PPP2R5E: variants seen among roughly 807,000 people sequenced by gnomAD.
The protein encoded by PPP2R5E is serine/threonine-protein phosphatase 2A 56 kDa regulatory subunit epsilon isoform.
A neutral mutation model predicts 65.3 loss-of-function variants in PPP2R5E; 4 were observed. That is an observed-to-expected ratio of 0.06 (90% confidence interval 0.03 to 0.14). The LOEUF (loss-of-function observed/expected upper bound fraction) is 0.14. PPP2R5E is among the 10% of genes least tolerant of loss of function. PPP2R5E has a pLI of 1.00. For synonymous variants in PPP2R5E, 183 were observed against 187.4 expected (o/e 0.98, Z 0.19); for missense variants, 274 against 556.1 (o/e 0.49, Z 5.10).
chr14:63,484,384 CACAA>C (rs937642287), intron 2 of PPP2R5E, among the ~76,000 whole-genome samples: 5 of 150,130 alleles, frequency 3.3e-5, no homozygotes, highest in African/African-American at 7.3e-5. Flanking sequence ...CACACACACA[CACAA>C]AGAATCGTAT....
intron 2 of PPP2R5E, among the ~76,000 whole-genome samples, chr14:63,474,564 T>G (rs12885611): frequency 6.7e-6 from 1 of 149,140 alleles, no homozygotes; most frequent in African/African-American, 2.5e-5. Flanking sequence ...TCCCAGCTAC[T>G]CGGGAGGCTG....
intron 13 of PPP2R5E, among the ~76,000 whole-genome samples, chr14:63,379,613 G>C (rs1884196990): frequency 1.3e-5 from 2 of 152,030 alleles, no homozygotes; most frequent in Non-Finnish European, 2.9e-5. Context: ...ATAAATAACT[G>C]TAATATGCCA....
At chr14:63,391,499 T>G (rs1324881800) in intron 10 of PPP2R5E, among the ~76,000 whole-genome samples, 1 of 152,200 alleles carries the variant, frequency 6.6e-6, no homozygotes, top group Non-Finnish European at 1.5e-5. Context: ...CTCGGCTCAC[T>G]GCAAACTTCT....
chr14:63,523,140 T>A (rs1893029611), intron 2 of PPP2R5E, among the ~76,000 whole-genome samples: 2 of 148,350 alleles, frequency 1.3e-5, no homozygotes, highest in Admixed American at 1.3e-4. Context: ...GGGGGGCGCC[T>A]CTGCCCGGCC....
chr14:63,462,258 G>A (rs1889524459), intron 2 of PPP2R5E, among the ~76,000 whole-genome samples: 1 of 152,020 alleles, frequency 6.6e-6, no homozygotes, highest in South Asian at 2.1e-4. Context: ...TTTTAGTAGA[G>A]ATGGAGTTTC....
chr14:63,391,420 GT>G (rs1471358928), intron 10 of PPP2R5E, among the ~76,000 whole-genome samples: 8 of 151,896 alleles, frequency 5.3e-5, no homozygotes. Flanking sequence ...GTTTTGTTTT[GT>G]TTTGTTTTGT....
chr14:63,476,049 G>T (rs1481997863), intron 2 of PPP2R5E, among the ~76,000 whole-genome samples: 1 of 152,098 alleles, frequency 6.6e-6, no homozygotes, highest in Non-Finnish European at 1.5e-5. Flanking sequence ...AGAGGATTAT[G>T]ATACTTAAAT....
chr14:63,461,728 C>T (rs1889475624), intron 2 of PPP2R5E, among the ~76,000 whole-genome samples: 1 of 151,864 alleles, frequency 6.6e-6, no homozygotes, highest in African/African-American at 2.4e-5. Flanking sequence ...CACTTCAGCC[C>T]AGGCTGCAGT....
intron 2 of PPP2R5E, among the ~76,000 whole-genome samples, chr14:63,516,737 G>C (rs1892685487): frequency 6.6e-6 from 1 of 152,116 alleles, no homozygotes; most frequent in South Asian, 2.1e-4. Flanking sequence ...ACACACACCA[G>C]CTGGGAAGAC....
At position 63,440,948 on chromosome 14, in the gene PPP2R5E, C is replaced by CAAAA. The variant is rs374563795; in HGVS notation, c.354+12737_354+12740dup. Among the ~76,000 whole-genome samples, 317 of 67,622 alleles carry CAAAA rather than the reference C, an allele frequency of 4.7e-3. 16 individuals are homozygous for CAAAA. Among genetic ancestry groups the CAAAA allele is most frequent in the Middle Eastern group, 0.018 (2 of 112 alleles). 44.4% of individuals were successfully genotyped at this position (67,622 alleles called of 152,430 possible). A position where few individuals can be genotyped will look rare whatever the true frequency, so the allele number is the denominator to read the frequency against. On this transcript the variant is annotated intron_variant, in intron 3 of 13. Transcript: ENST00000337537. ...TGGGCAACAGAGCGAGACTCCATCT[C>CAAAA]AAAAAAAAAAAAAAAAAAAGAGTAT...
chr14:63,400,631 G>T (rs1885695441), intron 5 of PPP2R5E, among the ~76,000 whole-genome samples: 1 of 131,680 alleles, frequency 7.6e-6, no homozygotes, highest in South Asian at 2.5e-4. Context: ...GGAGGTAATG[G>T]GCAAGTTAAT....
chr14:63,376,809 A>G (rs1884009353), intron 13 of PPP2R5E, among the ~76,000 whole-genome samples: 1 of 152,236 alleles, frequency 6.6e-6, no homozygotes, highest in African/African-American at 2.4e-5. Context: ...ATATAAATTC[A>G]CATTTACTAA....
chr14:63,484,125 G>C (rs569876037), intron 2 of PPP2R5E, among the ~76,000 whole-genome samples: 3 of 151,668 alleles, frequency 2.0e-5, no homozygotes, highest in Non-Finnish European at 4.4e-5. Context: ...AAAGATAAAG[G>C]GCCCAAAGCA....
chr14:63,497,488 C>T (rs1346757066), intron 2 of PPP2R5E, among the ~76,000 whole-genome samples: 2 of 151,982 alleles, frequency 1.3e-5, no homozygotes, highest in East Asian at 1.9e-4. Flanking sequence ...TGCAGTGGCT[C>T]CCCCCTGTAA....
Position 63,399,473 on chromosome 14 carries a change from G to A in PPP2R5E, c.550-2757C>T, listed in dbSNP as rs1338368390. Among the ~76,000 whole-genome samples the A allele has an allele frequency of 4.3e-5, 6 of 140,700 alleles. No individual in the cohort carries two copies. The South Asian group carries it at 6.9e-4, about 16-fold the overall frequency. The allele number at this position is 140,700 out of a possible 152,430, so 92.3% of individuals were successfully genotyped here. ...CGGCTTACTGAAACCTCCGCCTTCC[G>A]GGTTCAAGCGATTCTCCTGCTTCAG... On this transcript the variant is annotated intron_variant, in intron 5 of 13. Coordinates refer to ENST00000337537, the MANE Select transcript of PPP2R5E (RefSeq NM_006246.5).
At chr14:63,439,560 G>C (rs911555642) in intron 3 of PPP2R5E, among the ~76,000 whole-genome samples, 1 of 152,132 alleles carries the variant, frequency 6.6e-6, no homozygotes, top group Non-Finnish European at 1.5e-5. Context: ...TTTTAGTAGA[G>C]ACGGGGTTTC....
rs143091788 is a variant in PPP2R5E, at chr14:63,396,082, A to G, written c.680+504T>C. Among the ~76,000 whole-genome samples the G allele has an allele frequency of 4.9e-3, 46 of 9,470 alleles. 2 individuals carry two copies. The highest frequency in any genetic ancestry group is 0.025 in the African/African-American group (44 of 1,764). The allele number at this position is 9,470 out of a possible 152,430, so 6.2% of individuals were successfully genotyped here. A position where few individuals can be genotyped will look rare whatever the true frequency, so the allele number is the denominator to read the frequency against. ...GGGAAGAGAGGAGGAGAGGGAGGAA[A>G]AGAGGAGAAGGGGGAGGGGGCAGGA... is the stretch of plus-strand genomic sequence containing the variant. On this transcript the variant is annotated intron_variant, in intron 6 of 13. Coordinates refer to ENST00000337537, the MANE Select transcript of PPP2R5E (RefSeq NM_006246.5).
At chr14:63,401,775 G>A (rs955827458) in intron 5 of PPP2R5E, among the ~76,000 whole-genome samples, 2 of 152,122 alleles carry the variant, frequency 1.3e-5, no homozygotes, top group African/African-American at 4.8e-5. Context: ...ATGACAAGAG[G>A]TAACTATCTT....
chr14:63,543,350 A>C lies in PPP2R5E; in HGVS notation c.-579T>G, dbSNP rs1343907302. The C allele has an allele frequency of 6.6e-6, 1 of 151,140 alleles. No homozygotes were observed. Among genetic ancestry groups the C allele is most frequent in the Non-Finnish European group, 1.5e-5 (1 of 67,172 alleles). The allele number at this position is 151,140 out of a possible 1,614,324, so 9.4% of individuals were successfully genotyped here. A position where few individuals can be genotyped will look rare whatever the true frequency, so the allele number is the denominator to read the frequency against. On this transcript the variant is annotated 5_prime_UTR_variant, in exon 1 of 14. Transcript: ENST00000337537. Reference sequence around the variant, plus strand: ...ATCACCGGGCGGCTGAGTCCATGGCACACGCGCAACCGAACCTTCTGGCCA... The same window carrying C: ...ATCACCGGGCGGCTGAGTCCATGGCCCACGCGCAACCGAACCTTCTGGCCA...
Sources: gnomAD v4.1 joint callset for allele counts (sites outside exome capture counted in the v4.1 genomes callset) on GRCh38, gnomAD v4.1.1 for gene constraint, MANE v1.5 for transcripts, NCBI Gene and HGNC (gene_info 2026-07-23, HGNC 2026-07-21) for gene names.